The following ADAMTSL3 variants were observed in gnomAD, a reference collection of about 807,000 sequenced individuals.
ADAMTSL3 encodes the protein ADAMTS like 3.
A neutral mutation model predicts 201.7 loss-of-function variants in ADAMTSL3; 128 were observed. The ratio of observed to expected loss-of-function variants is 0.63; its 90% confidence interval spans 0.55 to 0.73. ADAMTSL3 has a LOEUF of 0.73. ADAMTSL3 is among the 30% of genes least tolerant of loss of function. The probability of loss-of-function intolerance (pLI) is 0.00; values close to 1 mark genes in which losing one functional copy is unlikely to be tolerated. For synonymous variants in ADAMTSL3, 738 were observed against 748.4 expected (o/e 0.99, Z 0.23); for missense variants, 1,990 against 2,119.6 (o/e 0.94, Z 1.20).
chr15:83,972,670 T>C (rs1005966473), intron 20 of ADAMTSL3, among the ~76,000 whole-genome samples: 2 of 152,048 alleles, frequency 1.3e-5, no homozygotes, highest in African/African-American at 4.8e-5. Flanking sequence ...CAGTAATATT[T>C]TTTCTTTACT....
chr15:83,720,611 C>T (rs2062087188), intron 3 of ADAMTSL3, among the ~76,000 whole-genome samples: 1 of 152,190 alleles, frequency 6.6e-6, no homozygotes, highest in Admixed American at 6.5e-5. Flanking sequence ...ATTTTCAGCA[C>T]ACACAAAGGT....
At chr15:83,740,124 A>G (rs1006911034) in intron 3 of ADAMTSL3, 23 of 282,510 alleles carry the variant, frequency 8.1e-5, no homozygotes, top group Non-Finnish European at 1.5e-5. Context: ...TGGCAAGGAG[A>G]TCATTGACCT....
At chr15:83,690,418 C>G (rs1234043407) in intron 2 of ADAMTSL3, among the ~76,000 whole-genome samples, 1 of 152,184 alleles carries the variant, frequency 6.6e-6, no homozygotes, top group African/African-American at 2.4e-5. Flanking sequence ...GCAACTTGGA[C>G]TGTTGCCCCC....
intron 3 of ADAMTSL3, among the ~76,000 whole-genome samples, chr15:83,747,743 T>C (rs2062569622): frequency 6.6e-6 from 1 of 152,160 alleles, no homozygotes; most frequent in Non-Finnish European, 1.5e-5. Flanking sequence ...AGTTTTGTTT[T>C]AATTAAGACA....
chr15:84,014,153 C>T (rs957128565), intron 23 of ADAMTSL3, among the ~76,000 whole-genome samples: 2 of 152,170 alleles, frequency 1.3e-5, no homozygotes, highest in East Asian at 1.9e-4. Context: ...CTTGTGACAA[C>T]CTACCCCCTG....
chr15:83,742,661 A>G (rs1490073942), intron 3 of ADAMTSL3, among the ~76,000 whole-genome samples: 2 of 152,312 alleles, frequency 1.3e-5, no homozygotes, highest in East Asian at 3.9e-4. Flanking sequence ...TAATTTTTGG[A>G]CAGCATGATT....
intron 3 of ADAMTSL3, among the ~76,000 whole-genome samples, chr15:83,750,591 C>T (rs781756243): frequency 5.3e-5 from 8 of 151,918 alleles, no homozygotes; most frequent in South Asian, 2.1e-4. Context: ...GTTGCTCTGT[C>T]GCCAGGCTAG....
At chr15:83,778,959 G>C (rs2063123330) in intron 4 of ADAMTSL3, among the ~76,000 whole-genome samples, 1 of 152,086 alleles carries the variant, frequency 6.6e-6, no homozygotes, top group African/African-American at 2.4e-5. Context: ...AAAAAGCAGA[G>C]GTTGCAATCC....
intron 22 of ADAMTSL3, among the ~76,000 whole-genome samples, chr15:83,990,442 CTTCTCATCTTGTACCCAGGTAT>C (rs1264269249): frequency 2.0e-5 from 3 of 152,210 alleles, no homozygotes; most frequent in Admixed American, 6.5e-5. Flanking sequence ...AGAGGAGATA[CTTCTCATCTTGTACCCAGGTAT>C]TTCTCATCTT....
intron 17 of ADAMTSL3, among the ~76,000 whole-genome samples, chr15:83,931,187 T>G (rs1192531634): frequency 6.6e-6 from 1 of 152,194 alleles, no homozygotes; most frequent in Non-Finnish European, 1.5e-5. Context: ...AGAGCCTTCT[T>G]CTCTAACAGG....
At chr15:83,772,403 G>C (rs1267197659) in intron 3 of ADAMTSL3, among the ~76,000 whole-genome samples, 1 of 152,046 alleles carries the variant, frequency 6.6e-6, no homozygotes, top group African/African-American at 2.4e-5. Context: ...TTCTTTTCAG[G>C]TCTATACCTA....
chr15:83,852,204 C>G (rs891023363), intron 7 of ADAMTSL3, among the ~76,000 whole-genome samples: 2 of 151,684 alleles, frequency 1.3e-5, no homozygotes, highest in Non-Finnish European at 2.9e-5. Context: ...CCCCCGCCTC[C>G]TGGGTTCAAG....
intron 2 of ADAMTSL3, among the ~76,000 whole-genome samples, chr15:83,676,626 G>A (rs576132422): frequency 9.9e-5 from 15 of 152,106 alleles, no homozygotes; most frequent in Non-Finnish European, 1.6e-4. Flanking sequence ...TGCAGTGAGC[G>A]GAGATTGCAC....
intron 27 of ADAMTSL3, among the ~76,000 whole-genome samples, chr15:84,030,122 G>C (rs1001557184): frequency 3.3e-5 from 5 of 152,176 alleles, no homozygotes; most frequent in African/African-American, 1.2e-4. Flanking sequence ...TGTGGGGTTG[G>C]AGCCTCCACA....
At chr15:83,881,582 C>T (rs1253815751) in intron 9 of ADAMTSL3, among the ~76,000 whole-genome samples, 1 of 152,174 alleles carries the variant, frequency 6.6e-6, no homozygotes, top group Non-Finnish European at 1.5e-5. Context: ...GGGCCAGGCG[C>T]TTTGGCTCAT....
At chr15:83,899,547 A>G in intron 14 of ADAMTSL3, 100 bp from the exon 15 acceptor site, 2 of 1,171,780 alleles carry the variant, frequency 1.7e-6, no homozygotes, top group Non-Finnish European at 2.4e-6. Context: ...GAAAAACATG[A>G]CCTCTTTATA....
chr15:83,708,279 A>G (rs914336017), intron 3 of ADAMTSL3, among the ~76,000 whole-genome samples: 3 of 152,180 alleles, frequency 2.0e-5, no homozygotes, highest in Non-Finnish European at 4.4e-5. Context: ...TGGGATGCAA[A>G]TGGATGGTGT....
At chr15:83,780,395 A>G (rs957504392) in intron 4 of ADAMTSL3, among the ~76,000 whole-genome samples, 3 of 147,298 alleles carry the variant, frequency 2.0e-5, no homozygotes, top group African/African-American at 7.6e-5. Context: ...GGGCGACAAG[A>G]GTGAAACTCC....
At chr15:83,677,934 CA>C (rs2061428452) in intron 2 of ADAMTSL3, among the ~76,000 whole-genome samples, 2 of 138,716 alleles carry the variant, frequency 1.4e-5, no homozygotes, top group African/African-American at 5.4e-5. Flanking sequence ...TGGGAGTTTT[CA>C]TTTTCTCTCT....
Sources: allele counts gnomAD v4.1 joint callset (sites outside exome capture counted in the v4.1 genomes callset), GRCh38; gene constraint gnomAD v4.1.1; transcripts MANE v1.5; gene names NCBI Gene and HGNC (gene_info 2026-07-23, HGNC 2026-07-21).